Variants in CNTNAP2 observed in about 807,000 individuals in gnomAD.
The protein encoded by CNTNAP2 is contactin-associated protein-like 2.
Under a neutral mutation model 155.2 loss-of-function variants are expected in CNTNAP2, and 98 were observed. The ratio of observed to expected loss-of-function variants is 0.63; its 90% CI spans 0.54 to 0.75. The LOEUF (loss-of-function observed/expected upper bound fraction) is 0.75, where lower values mean the gene tolerates loss of function less well. Among genes scored for constraint, CNTNAP2 ranks in the 30% least tolerant of loss-of-function variants. The pLI is 0.00. For synonymous variants in CNTNAP2, 651 were observed against 631.2 expected, an observed-to-expected ratio of 1.03 and a Z score of -0.47; for missense variants, 1,727 against 1,688.1, an observed-to-expected ratio of 1.02 and a Z score of -0.40.
intron 15 of CNTNAP2, among the ~76,000 whole-genome samples, chr7:148,102,208 C>T (rs1311698068): frequency 6.6e-6 from 1 of 152,200 alleles, no homozygotes; most frequent in Non-Finnish European, 1.5e-5. Context: ...TTAACTCCCA[C>T]TTATAAGTGA....
At chr7:146,240,495 T>C (rs1799543358) in intron 1 of CNTNAP2, among the ~76,000 whole-genome samples, 2 of 151,870 alleles carry the variant, frequency 1.3e-5, no homozygotes, top group Admixed American at 1.3e-4. Context: ...AATAATTTAA[T>C]GATAATGTCT....
chr7:147,348,642 G>T (rs893282120), intron 9 of CNTNAP2, among the ~76,000 whole-genome samples: 1 of 151,838 alleles, frequency 6.6e-6, no homozygotes, highest in East Asian at 1.9e-4. Context: ...CCTACTAATG[G>T]GCGTTTATCC....
intron 21 of CNTNAP2, among the ~76,000 whole-genome samples, chr7:148,290,846 GT>G (rs1223183856): frequency 5.6e-4 from 86 of 152,268 alleles, no homozygotes; most frequent in African/African-American, 1.9e-3. Flanking sequence ...GCACATTCCT[GT>G]CCCTGAGGAC....
At chr7:146,492,093 G>A (rs1169714261) in intron 1 of CNTNAP2, among the ~76,000 whole-genome samples, 3 of 152,080 alleles carry the variant, frequency 2.0e-5, no homozygotes, top group Admixed American at 6.6e-5. Flanking sequence ...TGATTGGAAC[G>A]TGAGTAAAAA....
chr7:147,284,681 A>C (rs924738471), intron 8 of CNTNAP2, among the ~76,000 whole-genome samples: 6 of 152,108 alleles, frequency 3.9e-5, no homozygotes, highest in African/African-American at 1.4e-4. Flanking sequence ...CTTCACTCAC[A>C]TAAATACTGT....
rs60993956 is a variant in CNTNAP2, at chr7:146,633,832, G to GAAAAAAAAAAAAAAAAAA, written c.98-140432_98-140415dup. 3.2e-4 allele frequency among the ~76,000 whole-genome samples: 25 copies of GAAAAAAAAAAAAAAAAAA among 79,030 alleles called. 1 individual carries two copies. Among genetic ancestry groups the GAAAAAAAAAAAAAAAAAA allele is most frequent in the African/African-American group, 1.3e-3 (22 of 16,632 alleles). The allele number at this position is 79,030 out of a possible 152,430, so 51.8% of individuals were successfully genotyped here. A position where few individuals can be genotyped will look rare whatever the true frequency, so the allele number is the denominator to read the frequency against. ...GCAACAGAGCGAGACTGCATCTAGA[G>GAAAAAAAAAAAAAAAAAA]AAAAAAAAAAAAAAAAAAAAAAAAC... is the stretch of plus-strand genomic sequence containing the variant. On this transcript the variant is annotated intron_variant, in intron 1 of 23. Transcript: ENST00000361727.
rs183200733 is a variant in CNTNAP2 at position 146,247,009 on chromosome 7, T to G, written c.97+130036T>G. ...CACGTTGAAGGCGAGGTTAATTAAA[T>G]CCTGTTGTGGGGTTTGAGGGCCAGA... On this transcript the variant is annotated intron_variant, in intron 1 of 23. Transcript: ENST00000361727. Among the ~76,000 whole-genome samples, 14 of 152,314 alleles carry G rather than the reference T, an allele frequency of 9.2e-5. 1 individual carries two copies. The East Asian group carries it at 2.7e-3, about 29-fold the overall frequency.
intron 13 of CNTNAP2, among the ~76,000 whole-genome samples, chr7:147,854,301 C>A (rs1164748473): frequency 6.6e-6 from 1 of 152,066 alleles, no homozygotes; most frequent in Non-Finnish European, 1.5e-5. Context: ...TTCTTGAAAG[C>A]AAAGAAGTAT....
chr7:147,788,906 T>C (rs988074283), intron 13 of CNTNAP2, among the ~76,000 whole-genome samples: 20 of 122,786 alleles, frequency 1.6e-4, no homozygotes, highest in African/African-American at 3.2e-4. Flanking sequence ...TTTTCTTTTT[T>C]TTTTTTTTTT....
intron 13 of CNTNAP2, among the ~76,000 whole-genome samples, chr7:147,716,822 A>G (rs1796487247): frequency 6.6e-6 from 1 of 152,168 alleles, no homozygotes; most frequent in Non-Finnish European, 1.5e-5. Flanking sequence ...TACATTCTGT[A>G]TCAGTATTGC....
intron 1 of CNTNAP2, among the ~76,000 whole-genome samples, chr7:146,592,071 T>C (rs541920776): frequency 5.6e-4 from 86 of 152,316 alleles, no homozygotes; most frequent in African/African-American, 1.9e-3. Flanking sequence ...GAGCCTAGGA[T>C]GTCTGTTTTT....
chr7:147,686,409 G>A (rs749308281), intron 13 of CNTNAP2, among the ~76,000 whole-genome samples: 3 of 152,032 alleles, frequency 2.0e-5, no homozygotes, highest in Non-Finnish European at 4.4e-5. Context: ...ATATCCAAGT[G>A]AGTACTACTC....
Position 148,383,788 on chromosome 7 carries a change from C to G in CNTNAP2, c.3615C>G (p.Ile1205Met). The change falls in exon 22 of 24, where the codon ATC becomes ATG. Residue 1205 changes from isoleucine (I) to methionine (M), a missense_variant. Coordinates refer to ENST00000361727, the MANE Select transcript of CNTNAP2 (RefSeq NM_014141.6). ...RQTNASAHVH[I>M]QGELVESNCG... is the part of the protein sequence containing the mutation. ...CAAACGCCTCGGCTCACGTCCACATCCAGGGCGAGCTGGTGGAGTCCAACT... is the reference window on the plus strand; with the variant it reads ...CAAACGCCTCGGCTCACGTCCACATGCAGGGCGAGCTGGTGGAGTCCAACT... 1 of 1,614,214 alleles carries G rather than the reference C, an allele frequency of 6.2e-7. No homozygotes were observed. Among genetic ancestry groups the G allele is most frequent in the East Asian group, 2.2e-5 (1 of 44,878 alleles).
chr7:146,699,439 G>A (rs951140282), intron 1 of CNTNAP2, among the ~76,000 whole-genome samples: 1 of 152,082 alleles, frequency 6.6e-6, no homozygotes, highest in African/African-American at 2.4e-5. Flanking sequence ...GTGTGAGGGA[G>A]GATAGGCATT....
chr7:147,588,484 C>G (rs999871165), intron 12 of CNTNAP2, among the ~76,000 whole-genome samples: 3 of 152,128 alleles, frequency 2.0e-5, no homozygotes, highest in Admixed American at 1.3e-4. Context: ...CCCCTTCCAG[C>G]TATAGTACCC....
At chr7:146,974,659 G>T (rs1797871865) in intron 3 of CNTNAP2, among the ~76,000 whole-genome samples, 1 of 152,096 alleles carries the variant, frequency 6.6e-6, no homozygotes, top group African/African-American at 2.4e-5. Context: ...GCATATTGAT[G>T]TTGGTACATT....
chr7:147,165,915 T>G (rs1177141258), intron 8 of CNTNAP2, among the ~76,000 whole-genome samples: 4 of 152,132 alleles, frequency 2.6e-5, no homozygotes, highest in Admixed American at 6.6e-5. Flanking sequence ...AAGGGAACGC[T>G]TCTACACTGC....
At chr7:146,978,210 C>T (rs185700753) in intron 3 of CNTNAP2, among the ~76,000 whole-genome samples, 4 of 152,080 alleles carry the variant, frequency 2.6e-5, no homozygotes, top group African/African-American at 7.2e-5. Flanking sequence ...ATTCAACTAC[C>T]TTTGCAAAAT....
At chr7:147,456,018 T>C (rs1055027851) in intron 10 of CNTNAP2, among the ~76,000 whole-genome samples, 4 of 152,188 alleles carry the variant, frequency 2.6e-5, no homozygotes, top group Non-Finnish European at 4.4e-5. Context: ...TAAGAATTGA[T>C]GAATTGATGA....
Sources: gnomAD v4.1 joint callset for allele counts (sites outside exome capture counted in the v4.1 genomes callset) on GRCh38, gnomAD v4.1.1 for gene constraint, MANE v1.5 for transcripts, NCBI Gene and HGNC (gene_info 2026-07-23, HGNC 2026-07-21) for gene names.